The following LRP1B variants were observed in gnomAD, a reference collection of about 807,000 sequenced individuals.
LRP1B encodes LDL receptor related protein 1B.
A neutral mutation model predicts 556.6 loss-of-function variants in LRP1B; 217 were observed. The ratio of observed to expected loss-of-function variants is 0.39; its 90% CI spans 0.35 to 0.44. LRP1B has a LOEUF of 0.44. Among genes scored for constraint, LRP1B ranks in the 20% least tolerant of loss-of-function variants. The pLI, the probability that LRP1B is intolerant of heterozygous loss-of-function variation, is 1.00. For missense variants in LRP1B, 5,053 were observed against 5,620.8 expected, an observed-to-expected ratio of 0.90 and a Z score of 3.23; for synonymous variants, 2,047 against 1,865.8, an observed-to-expected ratio of 1.10 and a Z score of -2.50.
chr2:140,854,537 C>T (rs1692557888), intron 27 of LRP1B, among the ~76,000 whole-genome samples: 1 of 152,142 alleles, frequency 6.6e-6, no homozygotes, highest in African/African-American at 2.4e-5. Context: ...AGTGCTTGAA[C>T]ACAGCTACCT....
intron 1 of LRP1B, among the ~76,000 whole-genome samples, chr2:142,055,131 C>T (rs1036989898): frequency 6.6e-6 from 1 of 151,860 alleles, no homozygotes; most frequent in African/African-American, 2.4e-5. Flanking sequence ...GTTTTTCTCC[C>T]ATTATGGAGC....
chr2:140,252,679 A>AT (rs982489696), intron 86 of LRP1B, among the ~76,000 whole-genome samples: 3 of 151,970 alleles, frequency 2.0e-5, no homozygotes, highest in Admixed American at 6.6e-5. Flanking sequence ...AATAAATGCA[A>AT]TTTTTTTCCG....
At chr2:141,295,590 T>A (rs1341416547) in intron 3 of LRP1B, among the ~76,000 whole-genome samples, 1 of 152,148 alleles carries the variant, frequency 6.6e-6, no homozygotes, top group African/African-American at 2.4e-5. Flanking sequence ...TCTACCTTGA[T>A]CTGTTGAAGT....
chr2:142,044,351 A>G (rs984383979), intron 1 of LRP1B, among the ~76,000 whole-genome samples: 1 of 151,824 alleles, frequency 6.6e-6, no homozygotes. Context: ...CCTATGCAGT[A>G]TAGTCCAAAA....
intron 7 of LRP1B, among the ~76,000 whole-genome samples, chr2:141,149,165 C>T (rs1007515600): frequency 1.5e-4 from 23 of 151,664 alleles, no homozygotes; most frequent in Non-Finnish European, 3.1e-4. Flanking sequence ...TTTTTTGTTG[C>T]TAGGTCTCAG....
intron 1 of LRP1B, among the ~76,000 whole-genome samples, chr2:142,107,971 A>G (rs1706816156): frequency 6.7e-6 from 1 of 149,980 alleles, no homozygotes; most frequent in Non-Finnish European, 1.5e-5. Flanking sequence ...ATATATTTAT[A>G]TTATATAATT....
At chr2:141,031,025 C>T (rs1698353956) in intron 11 of LRP1B, among the ~76,000 whole-genome samples, 1 of 151,790 alleles carries the variant, frequency 6.6e-6, no homozygotes, top group Non-Finnish European at 1.5e-5. Flanking sequence ...CTAACATGAG[C>T]AAAAACCACA....
intron 1 of LRP1B, among the ~76,000 whole-genome samples, chr2:141,870,289 T>A (rs565395888): frequency 6.6e-6 from 1 of 151,960 alleles, no homozygotes; most frequent in African/African-American, 2.4e-5. Context: ...CTCTGATGAC[T>A]TCAGCCTGAT....
chr2:141,745,355 C>T (rs1182744079), intron 2 of LRP1B, among the ~76,000 whole-genome samples: 2 of 152,130 alleles, frequency 1.3e-5, no homozygotes, highest in East Asian at 1.9e-4. Flanking sequence ...TACCGGCATG[C>T]TCTATTTTAC....
intron 2 of LRP1B, among the ~76,000 whole-genome samples, chr2:141,727,362 T>G (rs901618003): frequency 6.6e-6 from 1 of 152,160 alleles, no homozygotes; most frequent in African/African-American, 2.4e-5. Flanking sequence ...CTGGTTTACC[T>G]GGAATGCTTT....
chr2:140,530,020 C>T (rs367910690), intron 47 of LRP1B, among the ~76,000 whole-genome samples: 1 of 152,028 alleles, frequency 6.6e-6, no homozygotes, highest in South Asian at 2.1e-4. Context: ...TTCATTGCAA[C>T]ACCCTTTCTA....
In LRP1B at chr2:140,239,666, G is replaced by C. The variant is rs746688820; in HGVS notation, c.13325-134C>G. 9.7e-6 allele frequency: 5 copies of C among 515,306 alleles called. 1 individual carries two copies. Among genetic ancestry groups the C allele is most frequent in the Non-Finnish European group, 1.7e-5 (5 of 292,336 alleles). The allele number at this position is 515,306 out of a possible 1,614,324, so 31.9% of individuals were successfully genotyped here. ...GCTTAGCCCAAATGTTTATATTTCG[G>C]GTTCATAATTATGTTATTGGAAAAT... On this transcript the variant is annotated intron_variant, in intron 87 of 90. Transcript: ENST00000389484.
In LRP1B at chr2:140,867,671, C is replaced by T. The variant is rs1202304730; in HGVS notation, c.4498G>A (p.Gly1500Arg). The change falls in exon 27 of 91, where the codon GGG (glycine) becomes AGG (arginine). Residue 1500 changes from glycine (G) to arginine (R), a missense_variant. Physicochemically the swap from Gly to Arg is moderately radical, Grantham distance 125. Transcript: ENST00000389484. ...NTLSKANKWT[G>R]QNVSVIQKTS... ...TTCTGAATCACACTGACATTCTGCC[C>T]TGTCCACTTATTGGCTTTGGACAAT... 1 of 1,613,650 alleles carries T rather than the reference C, an allele frequency of 6.2e-7. No individual in the cohort carries two copies. Among genetic ancestry groups the T allele is most frequent in the Admixed American group, 1.7e-5 (1 of 59,968 alleles).
At chr2:142,023,668 C>A (rs1703415756) in intron 1 of LRP1B, among the ~76,000 whole-genome samples, 1 of 152,168 alleles carries the variant, frequency 6.6e-6, no homozygotes, top group Admixed American at 6.5e-5. Context: ...GATTTCTAGA[C>A]ACAAAATGCC....
intron 12 of LRP1B, among the ~76,000 whole-genome samples, chr2:141,016,736 T>C (rs991061089): frequency 6.6e-6 from 1 of 152,122 alleles, no homozygotes; most frequent in African/African-American, 2.4e-5. Flanking sequence ...TTTAGGGTCA[T>C]GTGAAAGTTC....
chr2:140,847,824 T>C (rs913661789), intron 29 of LRP1B, among the ~76,000 whole-genome samples: 5 of 151,978 alleles, frequency 3.3e-5, no homozygotes, highest in African/African-American at 1.2e-4. Flanking sequence ...TGACTGAATC[T>C]GTAATTATTG....
chr2:140,533,990 A>G (rs775835941), intron 47 of LRP1B, 31 bp downstream of exon 47: 4 of 1,611,748 alleles, frequency 2.5e-6, no homozygotes, highest in Middle Eastern at 3.3e-4. Context: ...TAGCACACCA[A>G]TATTCTGAGA....
At chr2:141,237,828 G>A (rs923960511) in intron 5 of LRP1B, among the ~76,000 whole-genome samples, 4 of 152,066 alleles carry the variant, frequency 2.6e-5, no homozygotes, top group Non-Finnish European at 5.9e-5. Context: ...GCAGAGAGCT[G>A]GTCCAACCAA....
At chr2:140,847,767 A>T (rs868247575) in intron 29 of LRP1B, among the ~76,000 whole-genome samples, 2 of 57,078 alleles carry the variant, frequency 3.5e-5, no homozygotes, top group African/African-American at 9.7e-5. Flanking sequence ...TGCATCTAAA[A>T]AAAAAAAAAG....
Sources: allele counts gnomAD v4.1 joint callset (sites outside exome capture counted in the v4.1 genomes callset), GRCh38; gene constraint gnomAD v4.1.1; transcripts MANE v1.5; gene names NCBI Gene and HGNC (gene_info 2026-07-23, HGNC 2026-07-21).